Variants in LRP1B observed in about 807,000 individuals in gnomAD.
The protein encoded by LRP1B is low-density lipoprotein receptor-related protein 1B.
In LRP1B, 217 loss-of-function variants were observed where a neutral mutation model predicts 556.6. That is an observed-to-expected ratio of 0.39 (90% CI 0.35 to 0.44). The LOEUF (loss-of-function observed/expected upper bound fraction) is 0.44. Among genes scored for constraint, LRP1B ranks in the 20% least tolerant of loss-of-function variants. The pLI is 1.00. For missense variants in LRP1B, 5,053 were observed against 5,620.8 expected, an observed-to-expected ratio of 0.90 and a Z score of 3.23; for synonymous variants, 2,047 against 1,865.8, an observed-to-expected ratio of 1.10 and a Z score of -2.50.
intron 3 of LRP1B, among the ~76,000 whole-genome samples, chr2:141,451,502 C>T (rs1200023553): frequency 6.6e-6 from 1 of 152,112 alleles, no homozygotes; most frequent in Non-Finnish European, 1.5e-5. Context: ...CCTATTACTC[C>T]TCAGTACTGT....
chr2:140,888,956 GTCT>G (rs1420568998), intron 23 of LRP1B, among the ~76,000 whole-genome samples: 5 of 116,050 alleles, frequency 4.3e-5, no homozygotes, highest in African/African-American at 1.9e-4. Flanking sequence ...AAGTGAGTCT[GTCT>G]CAAAAAAAAA....
At chr2:140,905,965 C>G (rs1240927408) in intron 22 of LRP1B, among the ~76,000 whole-genome samples, 1 of 152,056 alleles carries the variant, frequency 6.6e-6, no homozygotes, top group South Asian at 2.1e-4. Flanking sequence ...AAAAAAAAAT[C>G]TCTTCACTAG....
intron 2 of LRP1B, among the ~76,000 whole-genome samples, chr2:141,575,658 A>G (rs562295608): frequency 2.4e-4 from 36 of 152,290 alleles, no homozygotes; most frequent in Admixed American, 5.9e-4. Flanking sequence ...ATCAGAGTGA[A>G]CAGACAATCT....
At chr2:140,374,256 A>G (rs972548149) in intron 68 of LRP1B, among the ~76,000 whole-genome samples, 5 of 152,102 alleles carry the variant, frequency 3.3e-5, no homozygotes, top group African/African-American at 9.7e-5. Flanking sequence ...GGGAATTTCT[A>G]TTTTTGCCAA....
chr2:140,274,716 A>G, intron 84 of LRP1B, 118 bp from the exon 85 acceptor site: 1 of 765,076 alleles, frequency 1.3e-6, no homozygotes, highest in Non-Finnish European at 2.0e-6. Flanking sequence ...TTAATTTACA[A>G]AAGCAGCTTA....
chr2:140,496,795 G>T (rs1401654713), intron 55 of LRP1B, among the ~76,000 whole-genome samples: 1 of 151,988 alleles, frequency 6.6e-6, no homozygotes, highest in East Asian at 1.9e-4. Flanking sequence ...GAAATTGTAA[G>T]TATTGAGTAG....
chr2:141,020,193 A>G, intron 11 of LRP1B, 91 bp from the exon 12 acceptor site: 1 of 818,648 alleles, frequency 1.2e-6, no homozygotes, highest in Non-Finnish European at 1.8e-6. Flanking sequence ...TAAAAACTTT[A>G]GTTCAAAAAG....
intron 7 of LRP1B, among the ~76,000 whole-genome samples, chr2:141,092,152 C>T (rs1264386822): frequency 6.6e-6 from 1 of 152,136 alleles, no homozygotes; most frequent in African/African-American, 2.4e-5. Context: ...TGCTGTTTGG[C>T]TTAAAGTCTT....
chr2:140,948,688 G>T (rs1695614650), intron 20 of LRP1B, among the ~76,000 whole-genome samples: 1 of 152,114 alleles, frequency 6.6e-6, no homozygotes, highest in Non-Finnish European at 1.5e-5. Flanking sequence ...GATGTCCATT[G>T]CCAGAGAATG....
intron 2 of LRP1B, among the ~76,000 whole-genome samples, chr2:141,690,662 T>G (rs1450927052): frequency 6.6e-6 from 1 of 150,944 alleles, no homozygotes; most frequent in Admixed American, 6.6e-5. Context: ...CCCATAATTA[T>G]TTTTGAGCCT....
chr2:141,508,995 A>G (rs978813623), intron 2 of LRP1B, among the ~76,000 whole-genome samples: 1 of 152,316 alleles, frequency 6.6e-6, no homozygotes, highest in Admixed American at 6.5e-5. Context: ...ATTTACTGAC[A>G]AGTCGTAGGG....
intron 3 of LRP1B, among the ~76,000 whole-genome samples, chr2:141,292,731 A>G (rs931448065): frequency 5.3e-5 from 8 of 152,176 alleles, no homozygotes; most frequent in African/African-American, 1.9e-4. Flanking sequence ...TAAACATCTG[A>G]GTAGTAGACC....
chr2:140,326,713 G>A (rs1314552945), intron 79 of LRP1B, among the ~76,000 whole-genome samples: 1 of 151,410 alleles, frequency 6.6e-6, no homozygotes, highest in African/African-American at 2.4e-5. Flanking sequence ...AAAAAAAAAT[G>A]TTTATGGTAG....
intron 1 of LRP1B, among the ~76,000 whole-genome samples, chr2:141,978,832 T>G (rs1310566247): frequency 6.6e-6 from 1 of 152,042 alleles, no homozygotes; most frequent in Admixed American, 6.6e-5. Context: ...AGCATTGATG[T>G]GGGATATGAA....
At chr2:140,598,165 G>A (rs1177304790) in intron 43 of LRP1B, among the ~76,000 whole-genome samples, 2 of 152,192 alleles carry the variant, frequency 1.3e-5, no homozygotes, top group East Asian at 3.8e-4. Flanking sequence ...AGAGTCCAGT[G>A]ATTAGAACAG....
intron 25 of LRP1B, among the ~76,000 whole-genome samples, chr2:140,876,001 T>C (rs536611589): frequency 2.7e-4 from 41 of 152,292 alleles, no homozygotes; most frequent in African/African-American, 9.6e-4. Flanking sequence ...TTTGGTTCTC[T>C]TTAGAAGGTG....
intron 1 of LRP1B, among the ~76,000 whole-genome samples, chr2:141,850,177 A>G (rs958615329): frequency 6.6e-6 from 1 of 151,764 alleles, no homozygotes; most frequent in African/African-American, 2.4e-5. Context: ...GTCTGTAGCA[A>G]GGATTAATTA....
At chr2:140,280,349 T>G (rs914624698) in intron 84 of LRP1B, among the ~76,000 whole-genome samples, 3 of 151,642 alleles carry the variant, frequency 2.0e-5, no homozygotes, top group South Asian at 2.1e-4. Context: ...TTTGTTGTTG[T>G]GGGGGGTGGT....
At chr2:140,244,244 A>G (rs1264647503) in intron 87 of LRP1B, among the ~76,000 whole-genome samples, 1 of 151,270 alleles carries the variant, frequency 6.6e-6, no homozygotes, top group Non-Finnish European at 1.5e-5. Flanking sequence ...TAATATAACC[A>G]GTTTTTTTCT....
Sources: gnomAD v4.1 joint callset for allele counts (sites outside exome capture counted in the v4.1 genomes callset) on GRCh38, gnomAD v4.1.1 for gene constraint, MANE v1.5 for transcripts, NCBI Gene and HGNC (gene_info 2026-07-23, HGNC 2026-07-21) for gene names.